The following ZBTB7C variants were observed in gnomAD, a reference collection of about 807,000 sequenced individuals.
ZBTB7C encodes zinc finger and BTB domain containing 7C, also known as zinc finger and BTB domain-containing protein 7C.
In ZBTB7C, 8 loss-of-function variants were observed where a neutral mutation model predicts 25.7. That is an observed-to-expected ratio of 0.31 (90% CI 0.18 to 0.56). The LOEUF (loss-of-function observed/expected upper bound fraction) is 0.56, where lower values mean the gene tolerates loss of function less well. ZBTB7C is among the 20% of genes least tolerant of loss of function. The pLI is 0.91. For missense variants in ZBTB7C, 824 were observed against 855.2 expected (o/e 0.96, Z 0.46); for synonymous variants, 394 against 369.0 (o/e 1.07, Z -0.78).
chr18:48,029,604 C>G lies in ZBTB7C; in HGVS notation c.1516G>C (p.Val506Leu). Residue 506 changes from valine to leucine, a missense_variant, in exon 5 of 5, where the codon GTG becomes CTG. Transcript: ENST00000590800. The stretch of plus-strand genomic sequence containing the variant: ...ACCTCGCCCAGCGCAGGGGGCATCA[C>G]GAAGGCCGCCTTGTCGGGGGCCGGG... ...GGPAPDKAAF[V>L]MPPALGEVGG... 1 of 1,486,900 alleles carries G rather than the reference C, an allele frequency of 6.7e-7. No individual in the cohort carries two copies. Among genetic ancestry groups the G allele is most frequent in the South Asian group, 1.3e-5 (1 of 74,798 alleles). The allele number at this position is 1,486,900 out of a possible 1,614,324, so 92.1% of individuals were successfully genotyped here.
At chr18:48,138,244 C>T (rs4078130) in intron 3 of ZBTB7C, among the ~76,000 whole-genome samples, 85,382 of 152,130 alleles carry the variant, frequency 0.56, 24,115 homozygotes, top group Admixed American at 0.65. Context: ...CCATGAAGGT[C>T]CAGGGATGAG....
intron 2 of ZBTB7C, among the ~76,000 whole-genome samples, chr18:48,230,742 C>T (rs1397752524): frequency 5.3e-5 from 8 of 151,986 alleles, no homozygotes; most frequent in Admixed American, 1.3e-4. Flanking sequence ...AGCAGCATGG[C>T]GCCATAGAGG....
At chr18:48,379,134 G>C (rs2145199776) in intron 1 of ZBTB7C, among the ~76,000 whole-genome samples, 1 of 152,270 alleles carries the variant, frequency 6.6e-6, no homozygotes, top group East Asian at 1.9e-4. Flanking sequence ...TCTCCATTAA[G>C]TTGTCTTTCC....
chr18:48,095,251 T>G (rs1282751165), intron 3 of ZBTB7C, among the ~76,000 whole-genome samples: 1 of 152,108 alleles, frequency 6.6e-6, no homozygotes, highest in East Asian at 1.9e-4. Context: ...ACGATGGCCA[T>G]TTTACATAGA....
chr18:48,180,606 G>T, intron 3 of ZBTB7C: 3 of 308,660 alleles, frequency 9.7e-6, no homozygotes, highest in Non-Finnish European at 1.9e-5. Flanking sequence ...ATGGGGGGGT[G>T]GGCCAGACAA....
chr18:48,047,943 T>C (rs2036537694), intron 3 of ZBTB7C, among the ~76,000 whole-genome samples: 1 of 152,172 alleles, frequency 6.6e-6, no homozygotes, highest in African/African-American at 2.4e-5. Context: ...AGCCAGCCAA[T>C]GTCTGAGCCA....
At chr18:48,198,483 G>A (rs986967579) in intron 2 of ZBTB7C, among the ~76,000 whole-genome samples, 2 of 152,206 alleles carry the variant, frequency 1.3e-5, no homozygotes, top group African/African-American at 4.8e-5. Flanking sequence ...TGTCGGCAGG[G>A]TTGTATTCCT....
At chr18:48,345,320 C>CCT (rs1483220226) in intron 1 of ZBTB7C, among the ~76,000 whole-genome samples, 1 of 152,184 alleles carries the variant, frequency 6.6e-6, no homozygotes, top group African/African-American at 2.4e-5. Flanking sequence ...GGAGCTGGTT[C>CCT]CTGCAGGATT....
intron 3 of ZBTB7C, among the ~76,000 whole-genome samples, chr18:48,065,144 G>A (rs1399862543): frequency 1.3e-5 from 2 of 151,200 alleles, no homozygotes; most frequent in East Asian, 2.0e-4. Context: ...TCCAGCGAGC[G>A]CATGCGCACA....
intron 2 of ZBTB7C, among the ~76,000 whole-genome samples, chr18:48,309,785 A>G (rs760133956): frequency 6.6e-6 from 1 of 152,248 alleles, no homozygotes; most frequent in Non-Finnish European, 1.5e-5. Context: ...TTTCAGACCC[A>G]AGATCTGAAT....
chr18:48,049,566 CCA>C (rs1368144892), intron 3 of ZBTB7C, among the ~76,000 whole-genome samples: 1 of 152,170 alleles, frequency 6.6e-6, no homozygotes, highest in Admixed American at 6.5e-5. Flanking sequence ...TGGGATGGCC[CCA>C]GCCCTCTGCC....
At chr18:48,389,236 C>CTCGT (rs2047833632) in intron 1 of ZBTB7C, among the ~76,000 whole-genome samples, 5 of 62,378 alleles carry the variant, frequency 8.0e-5, no homozygotes, top group African/African-American at 1.4e-4. Flanking sequence ...CTCTCTCTCT[C>CTCGT]GTGTGTGTGT....
At chr18:48,337,853 A>T (rs374920814) in intron 2 of ZBTB7C, among the ~76,000 whole-genome samples, 4 of 152,284 alleles carry the variant, frequency 2.6e-5, no homozygotes, top group Non-Finnish European at 2.9e-5. Flanking sequence ...ACAGAAGCTG[A>T]TGGGGAATAA....
chr18:48,277,676 G>T (rs1306245901), intron 2 of ZBTB7C, among the ~76,000 whole-genome samples: 1 of 152,206 alleles, frequency 6.6e-6, no homozygotes, highest in Non-Finnish European at 1.5e-5. Context: ...TGGGAAACGG[G>T]CACTTGGGTT....
At chr18:48,072,301 C>T (rs1027141161) in intron 3 of ZBTB7C, among the ~76,000 whole-genome samples, 2 of 152,202 alleles carry the variant, frequency 1.3e-5, no homozygotes, top group African/African-American at 2.4e-5. Flanking sequence ...GATAAAAATA[C>T]CCATGCTACA....
chr18:48,221,807 C>T (rs1360646016), intron 2 of ZBTB7C, among the ~76,000 whole-genome samples: 7 of 136,310 alleles, frequency 5.1e-5, no homozygotes, highest in African/African-American at 7.8e-5. Context: ...GTCTCCACTA[C>T]GCTGTCCTAG....
At chr18:48,302,931 C>T (rs2144749903) in intron 2 of ZBTB7C, among the ~76,000 whole-genome samples, 1 of 152,292 alleles carries the variant, frequency 6.6e-6, no homozygotes, top group Admixed American at 6.5e-5. Context: ...GTTTTTGAAG[C>T]TTTTAGTCCC....
chr18:48,190,683 C>T (rs534168781), intron 2 of ZBTB7C, among the ~76,000 whole-genome samples: 9 of 152,306 alleles, frequency 5.9e-5, no homozygotes, highest in East Asian at 5.8e-4. Flanking sequence ...AATGAAACAG[C>T]GACTGTGGGC....
chr18:48,297,306 A>G (rs1227479158), intron 2 of ZBTB7C, among the ~76,000 whole-genome samples: 1 of 152,180 alleles, frequency 6.6e-6, no homozygotes, highest in East Asian at 1.9e-4. Flanking sequence ...CCCACCCAGC[A>G]TCGTCATATC....
Sources: allele counts gnomAD v4.1 joint callset (sites outside exome capture counted in the v4.1 genomes callset), GRCh38; gene constraint gnomAD v4.1.1; transcripts MANE v1.5; gene names NCBI Gene and HGNC (gene_info 2026-07-23, HGNC 2026-07-21).